The following LRRTM3 variants were observed in gnomAD, a reference collection of about 807,000 sequenced individuals.
The protein encoded by LRRTM3 is leucine rich repeat transmembrane neuronal 3.
Under a neutral mutation model 44.7 loss-of-function variants are expected in LRRTM3, and 24 were observed. The ratio of observed to expected loss-of-function variants is 0.54; its 90% CI spans 0.39 to 0.76. The LOEUF is 0.76. LRRTM3 is among the 30% of genes least tolerant of loss of function. The pLI is 0.00. For missense variants in LRRTM3, 587 were observed against 702.2 expected (o/e 0.84, Z 1.85); for synonymous variants, 277 against 278.7 (o/e 0.99, Z 0.06).
Position 67,097,564 on chromosome 10 carries a change from TTTCTC to T in LRRTM3, c.1537-22_1537-18del, listed in dbSNP as rs1564888637. On this transcript the variant is annotated intron_variant, in intron 2 of 2. Transcript: ENST00000361320. ...GTTGTCCATATTTTTATAACTGACT[TTTCTC>T]ATGTCATTTTTCCCCAGATACCTTT... 1 of 1,605,236 alleles carries T rather than the reference TTTCTC, an allele frequency of 6.2e-7. No individual in the cohort carries two copies. Among genetic ancestry groups the T allele is most frequent in the East Asian group, 2.2e-5 (1 of 44,762 alleles).
intron 2 of LRRTM3, among the ~76,000 whole-genome samples, chr10:66,955,309 ACT>A (rs1848730159): frequency 6.6e-6 from 1 of 152,094 alleles, no homozygotes; most frequent in Admixed American, 6.6e-5. Context: ...TTGTATCATG[ACT>A]CTGAATAATA....
chr10:66,985,094 G>C (rs1473529190), intron 2 of LRRTM3, among the ~76,000 whole-genome samples: 1 of 152,050 alleles, frequency 6.6e-6, no homozygotes, highest in Non-Finnish European at 1.5e-5. Context: ...TTCCTTCCTA[G>C]ATATTTTCCT....
intron 2 of LRRTM3, among the ~76,000 whole-genome samples, chr10:67,027,596 A>G (rs551271437): frequency 1.3e-5 from 2 of 151,836 alleles, no homozygotes; most frequent in East Asian, 3.9e-4. Context: ...CACCATGCCC[A>G]GCTAACTTTT....
chr10:66,940,430 C>T (rs1208902688), intron 2 of LRRTM3, among the ~76,000 whole-genome samples: 1 of 152,138 alleles, frequency 6.6e-6, no homozygotes, highest in Non-Finnish European at 1.5e-5. Flanking sequence ...GCAACGATTG[C>T]ACCACTGCAC....
intron 2 of LRRTM3, among the ~76,000 whole-genome samples, chr10:66,955,677 T>A (rs1848751871): frequency 6.6e-6 from 1 of 152,178 alleles, no homozygotes; most frequent in Non-Finnish European, 1.5e-5. Context: ...AGAGCAAGAC[T>A]GAGGCCACCT....
At chr10:67,009,991 C>T (rs1366344255) in intron 2 of LRRTM3, among the ~76,000 whole-genome samples, 1 of 152,146 alleles carries the variant, frequency 6.6e-6, no homozygotes, top group African/African-American at 2.4e-5. Context: ...TCTTCAGCTA[C>T]CTGTCCTGGA....
intron 2 of LRRTM3, among the ~76,000 whole-genome samples, chr10:67,039,172 TAAC>T (rs946590470): frequency 2.6e-5 from 4 of 152,090 alleles, no homozygotes; most frequent in Non-Finnish European, 4.4e-5. Flanking sequence ...TTACCATACT[TAAC>T]ATTATAACCA....
intron 2 of LRRTM3, among the ~76,000 whole-genome samples, chr10:67,030,633 T>C (rs918597584): frequency 4.6e-5 from 7 of 152,186 alleles, no homozygotes; most frequent in Non-Finnish European, 7.3e-5. Context: ...TGTAGATCAA[T>C]ATATTTGTTT....
chr10:66,952,298 GAA>G (rs1589479983), intron 2 of LRRTM3, among the ~76,000 whole-genome samples: 2 of 152,182 alleles, frequency 1.3e-5, no homozygotes, highest in East Asian at 1.9e-4. Flanking sequence ...CTGAGGCTTT[GAA>G]AAGAGACAGA....
chr10:66,965,649 G>A (rs1232550539), intron 2 of LRRTM3, among the ~76,000 whole-genome samples: 10 of 150,086 alleles, frequency 6.7e-5, no homozygotes, highest in African/African-American at 1.7e-4. Flanking sequence ...GAACTTCCAC[G>A]TAGAGAAAAC....
chr10:66,996,302 A>T (rs1307051831), intron 2 of LRRTM3, among the ~76,000 whole-genome samples: 1 of 152,228 alleles, frequency 6.6e-6, no homozygotes, highest in Non-Finnish European at 1.5e-5. Context: ...GCAACAAAGT[A>T]AAAAGAGCAA....
At chr10:67,040,677 A>G (rs1027749574) in intron 2 of LRRTM3, among the ~76,000 whole-genome samples, 3 of 152,134 alleles carry the variant, frequency 2.0e-5, no homozygotes, top group African/African-American at 7.2e-5. Flanking sequence ...TGGTGATGCA[A>G]ATTAAAACCC....
chr10:66,937,163 T>C (rs1030505127), intron 2 of LRRTM3, among the ~76,000 whole-genome samples: 1 of 152,110 alleles, frequency 6.6e-6, no homozygotes. Context: ...CAACTTTGTA[T>C]ACCAGAAAGA....
At chr10:67,080,019 GT>G (rs1394157514) in intron 2 of LRRTM3, among the ~76,000 whole-genome samples, 3 of 151,980 alleles carry the variant, frequency 2.0e-5, no homozygotes, top group Admixed American at 2.0e-4. Flanking sequence ...GTTTTGTTTT[GT>G]TTTCTCCAAA....
At chr10:67,025,674 C>T (rs1228843894) in intron 2 of LRRTM3, among the ~76,000 whole-genome samples, 1 of 152,076 alleles carries the variant, frequency 6.6e-6, no homozygotes, top group Non-Finnish European at 1.5e-5. Flanking sequence ...TATATAAGTA[C>T]TATATCATTA....
chr10:67,022,959 A>C (rs1853124008), intron 2 of LRRTM3, among the ~76,000 whole-genome samples: 2 of 152,212 alleles, frequency 1.3e-5, no homozygotes, highest in South Asian at 2.1e-4. Context: ...AAATAAATAA[A>C]TAAACTGAAA....
At chr10:67,025,786 T>C (rs4484988) in intron 2 of LRRTM3, among the ~76,000 whole-genome samples, 133,160 of 151,780 alleles carry the variant, frequency 0.88, 59,430 homozygotes, top group South Asian at 0.97. Flanking sequence ...ATACTGATGA[T>C]CGCTATAAAG....
In LRRTM3 at chr10:67,077,919, G is replaced by T. The variant is rs187548731; in HGVS notation, c.1537-19668G>T. On this transcript the variant is annotated intron_variant, in intron 2 of 2. Transcript: ENST00000361320. ...CTAGATTAACAGAGGAGGAAGGGAA[G>T]GGGACAGAGAGAGAATATAAGTGAT... 1.4e-3 allele frequency among the ~76,000 whole-genome samples: 215 copies of T among 152,240 alleles called. 1 individual carries two copies. Among genetic ancestry groups the T allele is most frequent in the African/African-American group, 5.1e-3 (210 of 41,540 alleles).
At chr10:67,007,136 T>C (rs1426481653) in intron 2 of LRRTM3, among the ~76,000 whole-genome samples, 1 of 152,176 alleles carries the variant, frequency 6.6e-6, no homozygotes, top group East Asian at 1.9e-4. Flanking sequence ...GGTTCTTCAC[T>C]GTAGGTTCAA....
Sources: gnomAD v4.1 joint callset for allele counts (sites outside exome capture counted in the v4.1 genomes callset) on GRCh38, gnomAD v4.1.1 for gene constraint, MANE v1.5 for transcripts, NCBI Gene and HGNC (gene_info 2026-07-23, HGNC 2026-07-21) for gene names.